Variants in UNC13B observed in about 807,000 individuals in gnomAD.
UNC13B encodes protein unc-13 homolog B.
Under a neutral mutation model 211.0 loss-of-function variants are expected in UNC13B, and 144 were observed. The observed-to-expected ratio is 0.68, with a 90% confidence interval of 0.60 to 0.78. The LOEUF is 0.78. UNC13B is among the 30% of genes least tolerant of loss of function. The pLI is 0.00. For missense variants in UNC13B, 1,777 were observed against 2,002.0 expected (o/e 0.89, Z 2.14); for synonymous variants, 709 against 725.8 (o/e 0.98, Z 0.37).
chr9:35,384,177 C>T, intron 21 of UNC13B, 69 bp from the exon 22 acceptor site: 5 of 1,603,234 alleles, frequency 3.1e-6, no homozygotes, highest in Non-Finnish European at 4.3e-6. Flanking sequence ...GGTTCTGTTT[C>T]TGTTATAGTT....
intron 16 of UNC13B, among the ~76,000 whole-genome samples, chr9:35,378,062 G>C (rs988164512): frequency 7.9e-5 from 12 of 152,226 alleles, no homozygotes; most frequent in African/African-American, 2.9e-4. Flanking sequence ...ATATATCAGA[G>C]GGTGTAAAGA....
chr9:35,359,764 T>C (rs1833274563), intron 11 of UNC13B, among the ~76,000 whole-genome samples: 1 of 152,196 alleles, frequency 6.6e-6, no homozygotes, highest in Non-Finnish European at 1.5e-5. Context: ...TCCACCACTG[T>C]CATCCTTGTT....
Position 35,180,356 on chromosome 9 carries a change from A to G in UNC13B, c.22+18051A>G, listed in dbSNP as rs1195977191. Among the ~76,000 whole-genome samples, 6 of 152,336 alleles carry G rather than the reference A, an allele frequency of 3.9e-5. No homozygotes were observed. The East Asian group carries it at 9.6e-4, about 24-fold the overall frequency. ...TCGCTATGAAGTAAAGTGGAAGCCT[A>G]GCAGTGATATCTAAGACTTTTGAGA... On this transcript the variant is annotated intron_variant, in intron 1 of 39. Coordinates refer to ENST00000635942, the MANE Select transcript of UNC13B (RefSeq NM_001371189.2).
intron 1 of UNC13B, among the ~76,000 whole-genome samples, chr9:35,216,562 T>C (rs950623354): frequency 6.6e-6 from 1 of 152,032 alleles, no homozygotes. Context: ...AGAGGAAACA[T>C]AGCAAGACAG....
chr9:35,390,685 T>G lies in UNC13B; in HGVS notation c.11279T>G (p.Phe3760Cys). ...AGCGCAGAAGTGATGTGGCATTTGT[T>G]TGCCCAAGACATGAAATATGCATTG... is the stretch of plus-strand genomic sequence containing the variant. ...KVSAEVMWHLFAQDMKYALEE... is the reference protein window; with the variant it reads ...KVSAEVMWHLCAQDMKYALEE... The change falls in exon 26 of 40, where the codon TTT becomes TGT. Residue 3760 changes from phenylalanine to cysteine, a missense_variant. Physicochemically the swap from Phe to Cys is radical, Grantham distance 205. Transcript: ENST00000635942. The G allele has an allele frequency of 6.2e-7, 1 of 1,614,194 alleles. No homozygotes were observed. The highest frequency in any genetic ancestry group is 1.1e-5 in the South Asian group (1 of 91,062).
intron 11 of UNC13B, among the ~76,000 whole-genome samples, chr9:35,323,250 G>A (rs977495729): frequency 6.6e-6 from 1 of 151,872 alleles, no homozygotes; most frequent in Non-Finnish European, 1.5e-5. Context: ...TATAAATAGA[G>A]TTCATACTCT....
At chr9:35,172,578 G>T (rs1157115622) in intron 1 of UNC13B, among the ~76,000 whole-genome samples, 1 of 152,074 alleles carries the variant, frequency 6.6e-6, no homozygotes, top group African/African-American at 2.4e-5. Context: ...TTTGATTACT[G>T]GGAAATGGAA....
intron 1 of UNC13B, among the ~76,000 whole-genome samples, chr9:35,213,742 G>A (rs1197434222): frequency 6.6e-6 from 1 of 152,120 alleles, no homozygotes; most frequent in Non-Finnish European, 1.5e-5. Flanking sequence ...GGGTGGATGG[G>A]GGAAAAAGTG....
intron 1 of UNC13B, among the ~76,000 whole-genome samples, chr9:35,223,621 C>T (rs1824679999): frequency 6.6e-6 from 1 of 151,828 alleles, no homozygotes; most frequent in African/African-American, 2.4e-5. Context: ...GTCTCCCATT[C>T]TGTAGTTTGT....
At chr9:35,255,018 T>TATTATATATAATATA (rs1349956756) in intron 6 of UNC13B, among the ~76,000 whole-genome samples, 23 of 109,204 alleles carry the variant, frequency 2.1e-4, no homozygotes, top group Non-Finnish European at 2.2e-4. Context: ...TATTAATATA[T>TATTATATATAATATA]GTATATATAA....
intron 13 of UNC13B, among the ~76,000 whole-genome samples, chr9:35,371,764 G>T (rs1037108116): frequency 4.6e-5 from 7 of 152,150 alleles, no homozygotes; most frequent in Non-Finnish European, 7.3e-5. Flanking sequence ...TTGGGTCCTG[G>T]CCAGTGGTCT....
intron 11 of UNC13B, among the ~76,000 whole-genome samples, chr9:35,318,503 A>G (rs918222473): frequency 1.3e-5 from 2 of 152,210 alleles, no homozygotes; most frequent in Non-Finnish European, 2.9e-5. Flanking sequence ...ATATGAATAT[A>G]CTAATGCTTC....
chr9:35,298,870 A>G (rs1829531850), intron 8 of UNC13B, among the ~76,000 whole-genome samples: 1 of 152,214 alleles, frequency 6.6e-6, no homozygotes, highest in African/African-American at 2.4e-5. Flanking sequence ...TAATCAGTAT[A>G]GGGAAAGATT....
chr9:35,367,194 T>C (rs746794936), intron 12 of UNC13B, among the ~76,000 whole-genome samples: 1 of 152,164 alleles, frequency 6.6e-6, no homozygotes, highest in South Asian at 2.1e-4. Context: ...GAGGGAACTT[T>C]GCAGAATGGT....
intron 1 of UNC13B, among the ~76,000 whole-genome samples, chr9:35,179,922 G>A (rs1306232199): frequency 1.3e-5 from 2 of 152,242 alleles, no homozygotes; most frequent in Non-Finnish European, 2.9e-5. Context: ...TAGACTGTAA[G>A]AGTCAGTTGC....
At chr9:35,386,317 G>T in intron 24 of UNC13B, 24 bp downstream of exon 24, 1 of 1,613,312 alleles carries the variant, frequency 6.2e-7, no homozygotes, top group South Asian at 1.1e-5. Flanking sequence ...GATCAGGTGG[G>T]GCCAGCTGTC....
intron 11 of UNC13B, among the ~76,000 whole-genome samples, chr9:35,318,145 A>G (rs1212040839): frequency 1.3e-5 from 2 of 152,210 alleles, no homozygotes; most frequent in African/African-American, 4.8e-5. Context: ...CCTAAGAGTA[A>G]CTAAGAACTT....
Position 35,384,323 on chromosome 9 carries a change from A to AG in UNC13B, c.10875+10dup. The AG allele has an allele frequency of 6.2e-7, 1 of 1,613,456 alleles. No homozygotes were observed. The highest frequency in any genetic ancestry group is 8.5e-7 in the Non-Finnish European group (1 of 1,179,726). ...ACCTCTCTACATACAGGGTGAGTGAAGACACGGCTGTGGGCAGGATAATAG... is the reference window on the plus strand; with the variant it reads ...ACCTCTCTACATACAGGGTGAGTGAAGGACACGGCTGTGGGCAGGATAATAG... On this transcript the variant is annotated intron_variant, in intron 22 of 39. Transcript: ENST00000635942.
intron 12 of UNC13B, among the ~76,000 whole-genome samples, chr9:35,368,534 C>G (rs1165607507): frequency 6.6e-6 from 1 of 152,124 alleles, no homozygotes; most frequent in Non-Finnish European, 1.5e-5. Context: ...ATCCATCTGT[C>G]TTTATGGTAG....
Sources: allele counts gnomAD v4.1 joint callset (sites outside exome capture counted in the v4.1 genomes callset), GRCh38; gene constraint gnomAD v4.1.1; transcripts MANE v1.5; gene names NCBI Gene and HGNC (gene_info 2026-07-23, HGNC 2026-07-21).